Variants in GNG4 observed in about 807,000 individuals in gnomAD.
The protein encoded by GNG4 is G protein subunit gamma 4, also known as guanine nucleotide-binding protein G(I)/G(S)/G(O) subunit gamma-4.
A neutral mutation model predicts 5.8 loss-of-function variants in GNG4; 4 were observed. The observed-to-expected ratio is 0.69, with a 90% CI of 0.34 to 1.57. GNG4 has a LOEUF of 1.57. Among genes scored for constraint, GNG4 ranks in the 40% most tolerant of loss-of-function variants. The probability of loss-of-function intolerance (pLI) is 0.06; values close to 1 mark genes in which losing one functional copy is unlikely to be tolerated. For missense variants in GNG4, 96 were observed against 95.1 expected (o/e 1.01, Z -0.04); for synonymous variants, 29 against 32.9 (o/e 0.88, Z 0.41).
chr1:235,640,605 G>A (rs747435093), intron 1 of GNG4, among the ~76,000 whole-genome samples: 45 of 152,250 alleles, frequency 3.0e-4, no homozygotes, highest in Non-Finnish European at 5.6e-4. Flanking sequence ...GCATCAAGGC[G>A]AATACATAAG....
At chr1:235,578,919 G>A (rs1364006103) in intron 3 of GNG4, among the ~76,000 whole-genome samples, 1 of 151,872 alleles carries the variant, frequency 6.6e-6, no homozygotes, top group African/African-American at 2.4e-5. Flanking sequence ...CCAACATGGC[G>A]AACCCCGTCT....
chr1:235,552,134 T>A lies in GNG4; in HGVS notation c.203A>T (p.Lys68Met). 3.1e-6 allele frequency: 5 copies of A among 1,613,998 alleles called. No individual in the cohort carries two copies. Among genetic ancestry groups the A allele is most frequent in the Non-Finnish European group, 3.4e-6 (4 of 1,179,884 alleles). The change falls in exon 4 of 4, where the codon AAG becomes ATG. Residue 68 changes from lysine (K) to methionine (M), a missense_variant. Physicochemically the swap from Lys to Met is moderately conservative, Grantham distance 95. Transcript: ENST00000391854. Reference protein sequence around the residue: ...VPASENPFREKKFFCTIL With the variant: ...VPASENPFREMKFFCTIL ...TTAGAGAATGGTACAAAAGAACTTC[T>A]TCTCGCGAAAGGGGTTTTCTGATGC...
At chr1:235,610,752 C>G (rs1256052043) in intron 1 of GNG4, among the ~76,000 whole-genome samples, 2 of 152,134 alleles carry the variant, frequency 1.3e-5, no homozygotes, top group Non-Finnish European at 2.9e-5. Context: ...TTTCCTCTTT[C>G]TCTCACCCTG....
intron 3 of GNG4, among the ~76,000 whole-genome samples, chr1:235,567,799 A>G (rs1398814021): frequency 2.0e-5 from 3 of 152,150 alleles, no homozygotes; most frequent in Non-Finnish European, 4.4e-5. Flanking sequence ...TCAAGACCCT[A>G]CTTCCAATTC....
At chr1:235,561,788 C>A (rs1687070901) in intron 3 of GNG4, among the ~76,000 whole-genome samples, 1 of 152,172 alleles carries the variant, frequency 6.6e-6, no homozygotes, top group Non-Finnish European at 1.5e-5. Flanking sequence ...CTTAACAGTG[C>A]TTTTCACTGA....
At chr1:235,636,469 G>T (rs1269726446) in intron 1 of GNG4, among the ~76,000 whole-genome samples, 1 of 152,178 alleles carries the variant, frequency 6.6e-6, no homozygotes, top group Non-Finnish European at 1.5e-5. Context: ...CAGCAGGCCT[G>T]CATTCCCTCA....
chr1:235,642,173 G>A lies in GNG4; in HGVS notation c.-123+7489C>T, dbSNP rs1657350020. Among the ~76,000 whole-genome samples, 1 of 152,168 alleles carries A rather than the reference G, an allele frequency of 6.6e-6. No homozygotes were observed. Among genetic ancestry groups the A allele is most frequent in the East Asian group, 1.9e-4 (1 of 5,192 alleles). On this transcript the variant is annotated intron_variant, in intron 1 of 3. Transcript: ENST00000391854. The surrounding 1 kb of genome is among the most constrained non-coding windows in gnomAD (Gnocchi z 4.3). The stretch of plus-strand genomic sequence containing the variant: ...CTAACCACAGCGGTCCGAGGCGAAC[G>A]CAGGGTGGAAGAACCCGAGCGAGGC...
intron 1 of GNG4, among the ~76,000 whole-genome samples, chr1:235,621,269 T>TTTTTTC (rs1161251032): frequency 7.0e-6 from 1 of 142,214 alleles, no homozygotes; most frequent in Admixed American, 6.8e-5. Context: ...TTTCTTTCCT[T>TTTTTTC]TTTTTCTTTT....
At chr1:235,613,363 C>G (rs370750429) in intron 1 of GNG4, among the ~76,000 whole-genome samples, 30 of 152,268 alleles carry the variant, frequency 2.0e-4, no homozygotes, top group Non-Finnish European at 2.9e-4. Flanking sequence ...GTGTCCTACT[C>G]CCCAGAACCT....
At chr1:235,571,165 G>T (rs537916232) in intron 3 of GNG4, among the ~76,000 whole-genome samples, 2 of 152,078 alleles carry the variant, frequency 1.3e-5, no homozygotes, top group East Asian at 1.9e-4. Context: ...ATTAGCAAAA[G>T]AAGAATTTAA....
At chr1:235,630,873 T>G (rs12125591) in intron 1 of GNG4, among the ~76,000 whole-genome samples, 7 of 151,588 alleles carry the variant, frequency 4.6e-5, no homozygotes, top group Non-Finnish European at 7.4e-5. Context: ...GCCTAACCAA[T>G]CACCAGCTAA....
intron 1 of GNG4, among the ~76,000 whole-genome samples, chr1:235,598,882 T>C (rs115457482): frequency 0.028 from 4,284 of 152,054 alleles, 89 homozygotes; most frequent in Middle Eastern, 0.068. Flanking sequence ...CATGCCACCA[T>C]GCCTAGCTTA....
intron 1 of GNG4, among the ~76,000 whole-genome samples, chr1:235,596,923 G>A (rs925241508): frequency 2.6e-5 from 4 of 151,418 alleles, no homozygotes; most frequent in Non-Finnish European, 5.9e-5. Context: ...TTGTAGAGAC[G>A]GAGTTTCACT....
At chr1:235,597,568 T>C (rs1220074214) in intron 1 of GNG4, among the ~76,000 whole-genome samples, 1 of 148,050 alleles carries the variant, frequency 6.8e-6, no homozygotes, top group Non-Finnish European at 1.5e-5. Flanking sequence ...TTTAGTTTGT[T>C]TTTTTTTTTA....
chr1:235,588,598 C>T (rs991144074), intron 2 of GNG4, among the ~76,000 whole-genome samples: 4 of 148,914 alleles, frequency 2.7e-5, no homozygotes, highest in African/African-American at 1.0e-4. Context: ...CTGGAGAGAC[C>T]CCCCCCACTA....
At chr1:235,592,962 TTTTGAGA>T (rs1472866873) in intron 2 of GNG4, among the ~76,000 whole-genome samples, 1 of 151,854 alleles carries the variant, frequency 6.6e-6, no homozygotes. Context: ...TTTTTTTTTT[TTTTGAGA>T]TGGAGTCTTG....
intron 1 of GNG4, among the ~76,000 whole-genome samples, chr1:235,603,702 GC>G (rs1368516772): frequency 5.3e-5 from 8 of 152,162 alleles, no homozygotes; most frequent in African/African-American, 1.9e-4. Context: ...TCACACAGAT[GC>G]TAAACAAGTC....
chr1:235,571,543 G>C (rs1687344838), intron 3 of GNG4, among the ~76,000 whole-genome samples: 1 of 152,182 alleles, frequency 6.6e-6, no homozygotes, highest in Non-Finnish European at 1.5e-5. Flanking sequence ...TGTTTGGGGG[G>C]AGAATGTGGG....
intron 2 of GNG4, among the ~76,000 whole-genome samples, chr1:235,593,473 G>A (rs1688034348): frequency 6.6e-6 from 1 of 152,224 alleles, no homozygotes. Context: ...AGTATCTGTA[G>A]GCAGAATACT....
Sources: allele counts gnomAD v4.1 joint callset (sites outside exome capture counted in the v4.1 genomes callset), GRCh38; gene constraint gnomAD v4.1.1; non-coding constraint Gnocchi (gnomAD v3.1); transcripts MANE v1.5; gene names NCBI Gene and HGNC (gene_info 2026-07-23, HGNC 2026-07-21).